The following KHNYN variants were observed in gnomAD, a reference collection of about 807,000 sequenced individuals.
The protein encoded by KHNYN is protein KHNYN.
A neutral mutation model predicts 62.7 loss-of-function variants in KHNYN; 42 were observed. That is an observed-to-expected ratio of 0.67 (90% CI 0.52 to 0.87). KHNYN has a LOEUF of 0.87. Ranked by LOEUF, KHNYN falls within the 40% of genes least tolerant of loss-of-function variation. The probability of loss-of-function intolerance (pLI) is 0.00; values close to 1 mark genes in which losing one functional copy is unlikely to be tolerated. For synonymous variants in KHNYN, 347 were observed against 345.6 expected, an observed-to-expected ratio of 1.00 and a Z score of -0.04; for missense variants, 829 against 874.1, an observed-to-expected ratio of 0.95 and a Z score of 0.65.
intron 5 of KHNYN, chr14:24,434,234 GATAAC>G: frequency 1.4e-5 from 14 of 985,448 alleles, no homozygotes; most frequent in Non-Finnish European, 1.6e-5. Context: ...CTGGTTGGCA[GATAAC>G]ATAATATAAA....
chr14:24,429,118 C>T, upstream of KHNYN: 2 of 1,443,908 alleles, frequency 1.4e-6, no homozygotes, highest in Non-Finnish European at 1.8e-6. Context: ...TTCCGCTCCT[C>T]TCCCTGGATT....
chr14:24,428,950 C>T (rs768857696), upstream of KHNYN: 56 of 1,553,086 alleles, frequency 3.6e-5, no homozygotes, highest in Non-Finnish European at 4.7e-5. Flanking sequence ...CGGGCTCTGA[C>T]CCCTCCTGGG....
chr14:24,426,801 G>GA (rs1243975021), upstream of KHNYN: 1 of 152,294 alleles, frequency 6.6e-6, no homozygotes, highest in African/African-American at 2.4e-5. Flanking sequence ...CAGGTAATAG[G>GA]AAGCCTAAGG....
At chr14:24,425,955 G>A (rs2043016101), upstream of KHNYN, among the ~76,000 whole-genome samples, 2 of 152,128 alleles carry the variant, frequency 1.3e-5, no homozygotes, top group South Asian at 4.1e-4. Context: ...TACTTACATA[G>A]ATAAAGAAAA....
rs1464197113 is a variant in KHNYN, at chr14:24,440,337, G to A, written c.*3052G>A. ...ACTCCATTCAGGACCCCGTGCACGTGGTTTGCTTCAAGGGCATGGGTCAGG... is the reference window on the plus strand; with the variant it reads ...ACTCCATTCAGGACCCCGTGCACGTAGTTTGCTTCAAGGGCATGGGTCAGG... On this transcript the variant is annotated 3_prime_UTR_variant, in exon 8 of 8. Transcript: ENST00000553935. 12 of 1,614,040 alleles carry A rather than the reference G, an allele frequency of 7.4e-6. No individual in the cohort carries two copies. Among genetic ancestry groups the A allele is most frequent in the Non-Finnish European group, 1.0e-5 (12 of 1,179,900 alleles).
At chr14:24,425,210 C>T (rs1451253917), upstream of KHNYN, among the ~76,000 whole-genome samples, 1 of 152,042 alleles carries the variant, frequency 6.6e-6, no homozygotes, top group African/African-American at 2.4e-5. Flanking sequence ...CAAAAAACAA[C>T]AATAAAAAAC....
At chr14:24,430,343 G>A (rs970755946) in intron 1 of KHNYN, 13 of 781,136 alleles carry the variant, frequency 1.7e-5, no homozygotes, top group Non-Finnish European at 2.0e-5. Flanking sequence ...GGCCCCCAGA[G>A]GACAGCCTAG....
At chr14:24,427,865 A>G (rs1276130236), upstream of KHNYN, 1 of 1,614,162 alleles carries the variant, frequency 6.2e-7, no homozygotes, top group East Asian at 2.2e-5. This position sits in a 1 kb window ranked among gnomAD's most constrained non-coding sequence, Gnocchi z 4.4. Context: ...ACGCAGGCGC[A>G]GAGACACTCG....
chr14:24,428,738 A>T, upstream of KHNYN: 1 of 1,554,770 alleles, frequency 6.4e-7, no homozygotes, highest in Non-Finnish European at 8.7e-7. Flanking sequence ...TCCCCTGGAC[A>T]GGGGTAGGGG....
upstream of KHNYN, chr14:24,429,265 C>T (rs1224653994): frequency 1.4e-6 from 1 of 701,644 alleles, no homozygotes; most frequent in Non-Finnish European, 2.5e-6. Context: ...GCAGAGCATG[C>T]AGTGACAGCA....
intron 5 of KHNYN, 131 bp from the exon 6 acceptor site, chr14:24,435,941 G>C: frequency 1.4e-6 from 1 of 706,922 alleles, no homozygotes; most frequent in Non-Finnish European, 2.5e-6. Context: ...TACCAATACA[G>C]TTTTGCTACA....
intron 2 of KHNYN, among the ~76,000 whole-genome samples, chr14:24,431,213 C>G (rs2139379752): frequency 6.6e-6 from 1 of 152,322 alleles, no homozygotes; most frequent in South Asian, 2.1e-4. Flanking sequence ...CAAGTTGGCC[C>G]CACCAAGGAA....
chr14:24,428,880 GC>G (rs1385647942), upstream of KHNYN: 6 of 1,601,846 alleles, frequency 3.7e-6, no homozygotes, highest in South Asian at 1.1e-5. Context: ...GCTCCCCCGG[GC>G]CCCCCTGCAG....
intron 2 of KHNYN, among the ~76,000 whole-genome samples, 176 bp downstream of exon 2, chr14:24,431,107 TA>T (rs2043103548): frequency 6.6e-6 from 1 of 152,176 alleles, no homozygotes; most frequent in African/African-American, 2.4e-5. Context: ...TCCAACTCTA[TA>T]TTTGTTTTCA....
intron 5 of KHNYN, 138 bp downstream of exon 5, chr14:24,433,170 G>T: frequency 1.3e-6 from 1 of 762,450 alleles, no homozygotes; most frequent in Non-Finnish European, 2.2e-6. Context: ...TCCTCTGTGT[G>T]CCTTATGATT....
chr14:24,427,540 C>A, upstream of KHNYN: 2 of 493,810 alleles, frequency 4.1e-6, no homozygotes, highest in Non-Finnish European at 3.5e-6. This position sits in a 1 kb window ranked among gnomAD's most constrained non-coding sequence, Gnocchi z 4.4. Flanking sequence ...GATCCTAGGG[C>A]TGCAGGCAGG....
In KHNYN at chr14:24,440,878, C is replaced by A. The variant is rs2043315504; in HGVS notation, c.*3593C>A. On this transcript the variant is annotated 3_prime_UTR_variant, in exon 8 of 8. Coordinates refer to ENST00000553935, the MANE Select transcript of KHNYN (RefSeq NM_015299.3). ...GTTGGAGAAAAAGTCAAAGTCCCCT[C>A]CTGGGCTGTCTTCATCATACTCCGC... The A allele has an allele frequency of 6.2e-7, 1 of 1,613,902 alleles. No individual in the cohort carries two copies. The highest frequency in any genetic ancestry group is 1.7e-5 in the Admixed American group (1 of 60,006).
chr14:24,435,121 G>A (rs536328165), intron 5 of KHNYN, among the ~76,000 whole-genome samples: 2 of 152,312 alleles, frequency 1.3e-5, no homozygotes, highest in Non-Finnish European at 2.9e-5. Flanking sequence ...ATGGAGCCCA[G>A]GCATTTTTTA....
chr14:24,431,499 G>T lies in KHNYN; in HGVS notation c.238G>T (p.Asp80Tyr). The change falls in exon 3 of 8, where the codon GAT becomes TAT. Residue 80 changes from aspartate (D) to tyrosine (Y), a missense_variant. Coordinates refer to ENST00000553935, the MANE Select transcript of KHNYN (RefSeq NM_015299.3). The stretch of plus-strand genomic sequence containing the variant: ...GGGCCTCTGCAGCCCAGAACTGCAG[G>T]ATGAAATCCACTACCCGCCCAAACT... ...LKGLCSPELQ[D>Y]EIHYPPKLHC... 6.3e-7 allele frequency: 1 copy of T among 1,595,740 alleles called. No individual in the cohort carries two copies. Among genetic ancestry groups the T allele is most frequent in the East Asian group, 2.3e-5 (1 of 44,410 alleles).
Sources: gnomAD v4.1 joint callset for allele counts (sites outside exome capture counted in the v4.1 genomes callset) on GRCh38, gnomAD v4.1.1 for gene constraint, Gnocchi (gnomAD v3.1) non-coding constraint, MANE v1.5 for transcripts, NCBI Gene and HGNC (gene_info 2026-07-23, HGNC 2026-07-21) for gene names.